The following ZNF596 variants were observed in gnomAD, a reference collection of about 807,000 sequenced individuals.
The protein encoded by ZNF596 is zinc finger protein 596.
In ZNF596, 45 loss-of-function variants were observed where a neutral mutation model predicts 48.3. The ratio of observed to expected loss-of-function variants is 0.93; its 90% CI spans 0.73 to 1.19. The LOEUF is 1.19. ZNF596 is among the 50% of genes most tolerant of loss of function. The pLI is 0.00. For synonymous variants in ZNF596, 270 were observed against 202.0 expected (o/e 1.34, Z -2.85); for missense variants, 848 against 599.7 (o/e 1.41, Z -4.32).
chr8:245,485 A>G lies in ZNF596; in HGVS notation c.638A>G (p.His213Arg), dbSNP rs764191626. 19 of 1,614,076 alleles carry G rather than the reference A, an allele frequency of 1.2e-5. No individual in the cohort carries two copies. The highest frequency in any genetic ancestry group is 1.4e-5 in the Non-Finnish European group (17 of 1,180,038). Residue 213 changes from histidine (H) to arginine (R), a missense_variant, in exon 6 of 6, where the codon CAT becomes CGT. Coordinates refer to ENST00000398612, the MANE Select transcript of ZNF596 (RefSeq NM_001042416.3). ...TFSKNSNLRRHEMIHTGEKPH... is the reference protein window; with the variant it reads ...TFSKNSNLRRREMIHTGEKPH... ...AGCAAAAATTCTAATCTTAGGCGAC[A>G]TGAGATGATTCACACTGGAGAGAAA...
At chr8:243,376 C>T in intron 3 of ZNF596, 1 of 282,660 alleles carries the variant, frequency 3.5e-6, no homozygotes, top group Non-Finnish European at 6.7e-6. Flanking sequence ...TGCACAGAAC[C>T]TAGATTGTTC....
chr8:240,832 T>A lies in ZNF596; in HGVS notation c.-64T>A. On this transcript the variant is annotated 5_prime_UTR_variant, in exon 2 of 6. Coordinates refer to ENST00000398612, the MANE Select transcript of ZNF596 (RefSeq NM_001042416.3). ...TTTTTGTTTTTGCTCAGATTTGTCT[T>A]CTTAGTGCTTGGATGGTGTGAGTGA... 3 of 1,604,326 alleles carry A rather than the reference T, an allele frequency of 1.9e-6. No homozygotes were observed. The highest frequency in any genetic ancestry group is 2.6e-6 in the Non-Finnish European group (3 of 1,171,148).
At chr8:244,427 C>A in intron 4 of ZNF596, 192 bp from the exon 5 acceptor site, 2 of 565,556 alleles carry the variant, frequency 3.5e-6, no homozygotes, top group Non-Finnish European at 6.1e-6. Context: ...CTCGACTTGC[C>A]TTTATTTTTT....
chr8:246,098 A>G lies in ZNF596; in HGVS notation c.1251A>G (p.Lys417=), dbSNP rs758274674. Residue 417 remains lysine, a synonymous_variant, in exon 6 of 6, where the codon AAA becomes AAG. Transcript: ENST00000398612. ...ATGAGAGAACTCACACTGGAGAAAA[A>G]CCATATGAATGCCATCTATGCGGAA... ...RRHERTHTGE[K]PYECHLCGKA... is the part of the protein sequence containing the mutation. 3 of 1,613,430 alleles carry G rather than the reference A, an allele frequency of 1.9e-6. No homozygotes were observed. In the African/African-American group the frequency reaches 4.0e-5, roughly 22 times the overall value.
chr8:236,362 A>G (rs1489855218), intron 1 of ZNF596, among the ~76,000 whole-genome samples: 2 of 152,210 alleles, frequency 1.3e-5, no homozygotes, highest in African/African-American at 4.8e-5. Context: ...TCATCTGAGA[A>G]TAACTACAGT....
At chr8:237,252 A>G (rs1352443780) in intron 1 of ZNF596, 5 of 152,012 alleles carry the variant, frequency 3.3e-5, no homozygotes, top group Non-Finnish European at 7.4e-5. Context: ...TTTTGCTCTC[A>G]AAACTTTTTA....
rs767382407 is a variant in ZNF596, at chr8:245,500, C to A, written c.653C>A (p.Thr218Asn). The A allele has an allele frequency of 1.2e-6, 2 of 1,614,172 alleles. No homozygotes were observed. Among genetic ancestry groups the A allele is most frequent in the Non-Finnish European group, 1.7e-6 (2 of 1,180,010 alleles). ...SNLRRHEMIH[T>N]GEKPHGCHLC... Reference sequence around the variant, plus strand: ...CTTAGGCGACATGAGATGATTCACACTGGAGAGAAACCACACGGATGTCAT... The same window carrying A: ...CTTAGGCGACATGAGATGATTCACAATGGAGAGAAACCACACGGATGTCAT... The change falls in exon 6 of 6, where the codon ACT (threonine) becomes AAT (asparagine). Residue 218 changes from threonine to asparagine, a missense_variant. Thr to Asn is a moderately conservative substitution (Grantham distance 65). Coordinates refer to ENST00000398612, the MANE Select transcript of ZNF596 (RefSeq NM_001042416.3).
At chr8:238,489 A>G (rs555984200) in intron 1 of ZNF596, among the ~76,000 whole-genome samples, 3 of 151,994 alleles carry the variant, frequency 2.0e-5, no homozygotes, top group South Asian at 4.2e-4. Context: ...TAAATCTCCA[A>G]TAATTGACCA....
Position 246,223 on chromosome 8 carries a change from G to A in ZNF596, c.1376G>A (p.Ser459Asn), listed in dbSNP as rs769847673. The change falls in exon 6 of 6, where the codon AGT becomes AAT. Residue 459 changes from serine (S) to asparagine (N), a missense_variant. Transcript: ENST00000398612. ...CNICGKAFNRSYNFRLHRRVH... is the reference protein window; with the variant it reads ...CNICGKAFNRNYNFRLHRRVH... The stretch of plus-strand genomic sequence containing the variant: ...ATATGTGGTAAAGCCTTCAATAGAA[G>A]TTACAACTTTAGACTTCATAGAAGA... The A allele has an allele frequency of 1.4e-5, 22 of 1,613,866 alleles. No individual in the cohort carries two copies. In the Admixed American group the frequency reaches 3.7e-4, roughly 27 times the overall value.
chr8:243,561 T>G (rs1047014945), intron 3 of ZNF596, 161 bp from the exon 4 acceptor site: 3 of 572,574 alleles, frequency 5.2e-6, no homozygotes, highest in African/African-American at 3.8e-5. Context: ...AGAGTTTTCA[T>G]TTTGCTCGTG....
chr8:240,048 T>G (rs1796787125), intron 1 of ZNF596, among the ~76,000 whole-genome samples: 1 of 152,202 alleles, frequency 6.6e-6, no homozygotes, highest in Admixed American at 6.5e-5. Flanking sequence ...CTTAGGAAAT[T>G]ACAAGGGTTT....
intron 1 of ZNF596, among the ~76,000 whole-genome samples, chr8:239,412 G>C (rs372004385): frequency 6.6e-6 from 1 of 152,140 alleles, no homozygotes; most frequent in African/African-American, 2.4e-5. Context: ...GGCCAGGCTG[G>C]TTTTGAACTT....
rs376270619 is a variant in ZNF596 at position 246,647 on chromosome 8, G to A, written c.*285G>A. 1.2e-4 allele frequency: 36 copies of A among 295,678 alleles called. No individual in the cohort carries two copies. The South Asian group carries it at 1.5e-3, about 13-fold the overall frequency. 18.3% of individuals were successfully genotyped at this position (295,678 alleles called of 1,614,324 possible). A position where few individuals can be genotyped will look rare whatever the true frequency, so the allele number is the denominator to read the frequency against. On this transcript the variant is annotated 3_prime_UTR_variant, in exon 6 of 6. Transcript: ENST00000398612. ...AAATAAATGGGAGAAATCACATCAC[G>A]AAAATTCTGTGCCTGTCGTCAGTGT...
intron 1 of ZNF596, among the ~76,000 whole-genome samples, chr8:238,628 C>CAAAAAAAAAAAA (rs1167168569): frequency 2.5e-5 from 1 of 39,860 alleles, no homozygotes; most frequent in African/African-American, 6.0e-5. Context: ...TGGTGAAATA[C>CAAAAAAAAAAAA]AAAAAAAAAA....
intron 1 of ZNF596, among the ~76,000 whole-genome samples, chr8:236,040 CTG>C (rs1796601770): frequency 6.6e-6 from 1 of 152,148 alleles, no homozygotes; most frequent in Non-Finnish European, 1.5e-5. Flanking sequence ...TCTACAGTCA[CTG>C]AGGTTTTATG....
In ZNF596 at chr8:245,563, G is replaced by A. The variant is rs776103733; in HGVS notation, c.716G>A (p.Arg239Gln). Residue 239 changes from arginine to glutamine, a missense_variant, in exon 6 of 6, where the codon CGA (arginine) becomes CAA (glutamine). Arg to Gln is a conservative substitution (Grantham distance 43). Transcript: ENST00000398612. ...GKAFTHCSDLRKHERTHTGEK... is the reference protein window; with the variant it reads ...GKAFTHCSDLQKHERTHTGEK... ...GCCTTTACTCATTGCTCTGATCTTC[G>A]AAAACATGAGAGAACTCACACTGGA... 2.9e-5 allele frequency: 46 copies of A among 1,613,742 alleles called. No homozygotes were observed. Among genetic ancestry groups the A allele is most frequent in the Middle Eastern group, 3.3e-4 (2 of 6,084 alleles).
chr8:239,493 G>A (rs190435463), intron 1 of ZNF596, among the ~76,000 whole-genome samples: 1,777 of 152,220 alleles, frequency 0.012, 24 homozygotes, highest in Non-Finnish European at 0.02. Flanking sequence ...CACCATGCCC[G>A]GCAAGAACTC....
Position 244,647 on chromosome 8 carries a change from G to T in ZNF596, c.252G>T (p.Glu84Asp), listed in dbSNP as rs746062093. Reference sequence around the variant, plus strand: ...GAGAAGTTGGCATTAAACATCAAGAGATACCATTCATTCAACATATCTATC... The same window carrying T: ...GAGAAGTTGGCATTAAACATCAAGATATACCATTCATTCAACATATCTATC... ...QGREVGIKHQEIPFIQHIYQK... is the reference protein window; with the variant it reads ...QGREVGIKHQDIPFIQHIYQK... Residue 84 changes from glutamate (E) to aspartate (D), a missense_variant, in exon 5 of 6, where the codon GAG (glutamate) becomes GAT (aspartate). Glu to Asp is a conservative substitution (Grantham distance 45, BLOSUM62 2). Coordinates refer to ENST00000398612, the MANE Select transcript of ZNF596 (RefSeq NM_001042416.3). 51 of 1,612,776 alleles carry T rather than the reference G, an allele frequency of 3.2e-5. No homozygotes were observed. The highest frequency in any genetic ancestry group is 2.7e-4 in the Admixed American group (16 of 59,886).
intron 5 of ZNF596, among the ~76,000 whole-genome samples, 161 bp downstream of exon 5, chr8:244,862 A>G (rs896312538): frequency 6.6e-6 from 1 of 152,220 alleles, no homozygotes; most frequent in Non-Finnish European, 1.5e-5. Context: ...AAACCATAAT[A>G]TGAGGCCTTA....
Sources: gnomAD v4.1 joint callset for allele counts (sites outside exome capture counted in the v4.1 genomes callset) on GRCh38, gnomAD v4.1.1 for gene constraint, MANE v1.5 for transcripts, NCBI Gene and HGNC (gene_info 2026-07-23, HGNC 2026-07-21) for gene names.